The following EPHA6 variants were observed in gnomAD, a reference collection of about 807,000 sequenced individuals.
The protein encoded by EPHA6 is EPH receptor A6, also known as ephrin type-A receptor 6.
A neutral mutation model predicts 112.0 loss-of-function variants in EPHA6; 50 were observed. That is an observed-to-expected ratio of 0.45 (90% confidence interval 0.36 to 0.56). The LOEUF is 0.56. Among genes scored for constraint, EPHA6 ranks in the 20% least tolerant of loss-of-function variants. EPHA6 has a pLI of 0.00. For missense variants in EPHA6, 1,280 were observed against 1,417.4 expected (o/e 0.90, Z 1.56); for synonymous variants, 529 against 490.7 (o/e 1.08, Z -1.03).
chr3:97,159,091 C>T (rs1213254707), intron 3 of EPHA6, among the ~76,000 whole-genome samples: 1 of 152,094 alleles, frequency 6.6e-6, no homozygotes, highest in Non-Finnish European at 1.5e-5. Flanking sequence ...ACTGCCTGGA[C>T]CATTATTAGC....
At chr3:97,454,113 A>G (rs1448878486) in intron 7 of EPHA6, among the ~76,000 whole-genome samples, 2 of 151,816 alleles carry the variant, frequency 1.3e-5, no homozygotes, top group African/African-American at 4.8e-5. Flanking sequence ...TATGACTTCC[A>G]ACTGGAATAT....
chr3:96,842,313 G>A (rs1019018498), intron 1 of EPHA6, among the ~76,000 whole-genome samples: 3 of 152,082 alleles, frequency 2.0e-5, no homozygotes, highest in Admixed American at 1.3e-4. Context: ...AACCAAGATT[G>A]TTTCTACTAA....
At chr3:97,234,672 A>G (rs1400173461) in intron 4 of EPHA6, among the ~76,000 whole-genome samples, 1 of 152,032 alleles carries the variant, frequency 6.6e-6, no homozygotes, top group African/African-American at 2.4e-5. Context: ...CATTTTGTTT[A>G]TCACCATTGA....
intron 3 of EPHA6, among the ~76,000 whole-genome samples, chr3:97,127,550 G>A (rs557002537): frequency 1.1e-4 from 17 of 151,992 alleles, no homozygotes; most frequent in African/African-American, 3.4e-4. Flanking sequence ...GTGAAACCCC[G>A]TCTCTACTAA....
intron 2 of EPHA6, among the ~76,000 whole-genome samples, chr3:96,942,500 C>CA (rs1276043596): frequency 6.6e-6 from 1 of 152,184 alleles, no homozygotes; most frequent in African/African-American, 2.4e-5. Flanking sequence ...CCCGATTTTC[C>CA]AGGTGCCGTC....
chr3:97,147,361 A>G (rs1042879341), intron 3 of EPHA6, among the ~76,000 whole-genome samples: 1 of 152,094 alleles, frequency 6.6e-6, no homozygotes, highest in Non-Finnish European at 1.5e-5. Flanking sequence ...TGTGCTCTGT[A>G]TGATAATTTT....
chr3:97,725,143 T>G (rs1385779470), intron 15 of EPHA6, among the ~76,000 whole-genome samples: 1 of 152,126 alleles, frequency 6.6e-6, no homozygotes, highest in East Asian at 1.9e-4. Flanking sequence ...CTTCACTAGG[T>G]GCATTGACCT....
chr3:97,612,980 C>T (rs182846770), intron 13 of EPHA6, among the ~76,000 whole-genome samples: 1 of 152,170 alleles, frequency 6.6e-6, no homozygotes, highest in Admixed American at 6.6e-5. Flanking sequence ...TTGCTTACTA[C>T]TTTTCCTTAT....
chr3:97,338,079 G>A (rs902535303), intron 5 of EPHA6, among the ~76,000 whole-genome samples: 1 of 151,848 alleles, frequency 6.6e-6, no homozygotes, highest in Non-Finnish European at 1.5e-5. Flanking sequence ...TCAGATAATG[G>A]TTGTGTGTGT....
intron 1 of EPHA6, among the ~76,000 whole-genome samples, chr3:96,835,404 G>A (rs1173347613): frequency 2.0e-5 from 3 of 151,898 alleles, no homozygotes; most frequent in Admixed American, 1.3e-4. Context: ...TTGAGATACA[G>A]GTTGAAACAT....
At chr3:97,690,213 G>T (rs2032561714) in intron 14 of EPHA6, among the ~76,000 whole-genome samples, 1 of 152,156 alleles carries the variant, frequency 6.6e-6, no homozygotes, top group Non-Finnish European at 1.5e-5. Flanking sequence ...TTTTTGAAAA[G>T]CTGCTAAATT....
intron 6 of EPHA6, among the ~76,000 whole-genome samples, chr3:97,435,721 A>C (rs1017218764): frequency 6.6e-6 from 1 of 152,164 alleles, no homozygotes; most frequent in African/African-American, 2.4e-5. Context: ...TTTACTCTAA[A>C]TTTAACTTAT....
At chr3:97,241,376 T>C (rs2078840805) in intron 4 of EPHA6, among the ~76,000 whole-genome samples, 1 of 151,774 alleles carries the variant, frequency 6.6e-6, no homozygotes, top group South Asian at 2.1e-4. Flanking sequence ...AGTTGTTTCT[T>C]TTAAAGAAAC....
chr3:97,101,806 T>C (rs2047411813), intron 3 of EPHA6, among the ~76,000 whole-genome samples: 1 of 152,116 alleles, frequency 6.6e-6, no homozygotes, highest in Non-Finnish European at 1.5e-5. Context: ...TTAAATATCT[T>C]CTTATTTTAA....
intron 3 of EPHA6, among the ~76,000 whole-genome samples, chr3:97,047,821 G>C (rs941171211): frequency 6.6e-6 from 1 of 152,070 alleles, no homozygotes; most frequent in Non-Finnish European, 1.5e-5. Flanking sequence ...CAAGACATGG[G>C]TTATTTTCCT....
chr3:96,882,687 T>C (rs973191119), intron 2 of EPHA6, among the ~76,000 whole-genome samples: 5 of 152,030 alleles, frequency 3.3e-5, no homozygotes, highest in African/African-American at 1.2e-4. Flanking sequence ...ATAATGCTGT[T>C]AATTCATTCC....
chr3:96,900,509 A>G (rs2038543520), intron 2 of EPHA6, among the ~76,000 whole-genome samples: 1 of 152,230 alleles, frequency 6.6e-6, no homozygotes, highest in Non-Finnish European at 1.5e-5. Flanking sequence ...TCAGAATATC[A>G]TTGAAAATAC....
At chr3:97,393,610 G>A (rs771683480) in intron 5 of EPHA6, among the ~76,000 whole-genome samples, 1 of 151,696 alleles carries the variant, frequency 6.6e-6, no homozygotes, top group Non-Finnish European at 1.5e-5. Context: ...CTGTGCAAAC[G>A]TTTTCACAAT....
intron 11 of EPHA6, among the ~76,000 whole-genome samples, chr3:97,562,678 C>T (rs1023188831): frequency 3.9e-5 from 6 of 152,110 alleles, no homozygotes; most frequent in South Asian, 4.1e-4. Flanking sequence ...GAATGACTCC[C>T]GTTTTGAAAG....
Sources: allele counts gnomAD v4.1 joint callset (sites outside exome capture counted in the v4.1 genomes callset), GRCh38; gene constraint gnomAD v4.1.1; transcripts MANE v1.5; gene names NCBI Gene and HGNC (gene_info 2026-07-23, HGNC 2026-07-21).